Variants in MICU3 observed in about 807,000 individuals in gnomAD.
MICU3 encodes the protein mitochondrial calcium uptake 3, also known as calcium uptake protein 3, mitochondrial.
Under a neutral mutation model 66.5 loss-of-function variants are expected in MICU3, and 62 were observed. That is an observed-to-expected ratio of 0.93 (90% confidence interval 0.76 to 1.15). The LOEUF (loss-of-function observed/expected upper bound fraction) is 1.15, where lower values mean the gene tolerates loss of function less well. MICU3 is among the 50% of genes most tolerant of loss of function. MICU3 has a pLI of 0.00. For missense variants in MICU3, 779 were observed against 664.4 expected (o/e 1.17, Z -1.90); for synonymous variants, 308 against 240.7 (o/e 1.28, Z -2.59).
intron 11 of MICU3, among the ~76,000 whole-genome samples, chr8:17,106,691 T>C (rs147620582): frequency 6.6e-6 from 1 of 152,058 alleles, no homozygotes; most frequent in African/African-American, 2.4e-5. Flanking sequence ...CTTGTAGAAA[T>C]GGAAAAATTT....
At chr8:17,059,112 CTATA>C (rs1337065444) in intron 1 of MICU3, among the ~76,000 whole-genome samples, 9 of 152,144 alleles carry the variant, frequency 5.9e-5, no homozygotes, top group Non-Finnish European at 1.5e-5. Flanking sequence ...ATCTTGGAAA[CTATA>C]TAAGCTTAAA....
chr8:17,055,087 C>CG (rs1563302310), intron 1 of MICU3, among the ~76,000 whole-genome samples: 2 of 152,070 alleles, frequency 1.3e-5, no homozygotes, highest in African/African-American at 4.8e-5. Flanking sequence ...GTCAGAGTTA[C>CG]GGAAGCATTT....
intron 2 of MICU3, among the ~76,000 whole-genome samples, chr8:17,069,125 G>T (rs764320459): frequency 8.5e-4 from 129 of 152,084 alleles, no homozygotes; most frequent in Non-Finnish European, 1.2e-3. Flanking sequence ...GATGCTTCTT[G>T]AATAGTTGTA....
intron 4 of MICU3, among the ~76,000 whole-genome samples, chr8:17,078,782 G>A (rs1441543834): frequency 6.6e-6 from 1 of 151,976 alleles, no homozygotes; most frequent in African/African-American, 2.4e-5. Flanking sequence ...GAAAGGAAGA[G>A]ACACCATATC....
rs1248380625 is a variant in MICU3 at position 17,086,977 on chromosome 8, T to A, written c.791T>A (p.Phe264Tyr). The change falls in exon 7 of 15, where the codon TTC (phenylalanine) becomes TAC (tyrosine). Residue 264 changes from phenylalanine to tyrosine, a missense_variant. By Grantham distance (22) the Phe-to-Tyr change is conservative. Transcript: ENST00000318063. The stretch of plus-strand genomic sequence containing the variant: ...TTTCTTTGTCAGCTTCAAGAGATAT[T>A]CAGGAAAAAAAATGAAAAGAGAGAA... ...KKEFLVLQEI[F>Y]RKKNEKREIK... 1 of 1,602,792 alleles carries A rather than the reference T, an allele frequency of 6.2e-7. No individual in the cohort carries two copies. Among genetic ancestry groups the A allele is most frequent in the South Asian group, 1.1e-5 (1 of 90,694 alleles).
At chr8:17,100,543 G>A (rs1051695727) in intron 9 of MICU3, among the ~76,000 whole-genome samples, 2 of 151,560 alleles carry the variant, frequency 1.3e-5, no homozygotes, top group Admixed American at 6.6e-5. Flanking sequence ...TATAGTATTA[G>A]TATTTCAGGA....
At chr8:17,128,956 G>A in the MICU3 span, among the ~76,000 whole-genome samples, 118 of 152,242 alleles carry the variant, frequency 7.8e-4, 1 homozygote, top group South Asian at 0.019. Flanking sequence ...CATGGGGCAC[G>A]GCAGAAAACA....
intron 1 of MICU3, among the ~76,000 whole-genome samples, chr8:17,061,476 A>T (rs1415982188): frequency 6.6e-6 from 1 of 152,186 alleles, no homozygotes; most frequent in Non-Finnish European, 1.5e-5. Flanking sequence ...TTTGGTGAGA[A>T]AACAGGCATG....
At chr8:17,128,263 C>G in the MICU3 span, among the ~76,000 whole-genome samples, 2 of 149,866 alleles carry the variant, frequency 1.3e-5, no homozygotes, top group African/African-American at 2.5e-5. Flanking sequence ...CACACACACA[C>G]ACACACCAGA....
At chr8:17,051,565 A>G (rs1816082164) in intron 1 of MICU3, among the ~76,000 whole-genome samples, 1 of 152,228 alleles carries the variant, frequency 6.6e-6, no homozygotes, top group Non-Finnish European at 1.5e-5. Flanking sequence ...AGTACCAGCA[A>G]AAATACCAAA....
At chr8:17,129,393 G>C in the MICU3 span, among the ~76,000 whole-genome samples, 1 of 151,968 alleles carries the variant, frequency 6.6e-6, no homozygotes, top group Non-Finnish European at 1.5e-5. Flanking sequence ...CATGTTCAAG[G>C]GTTTAAGTAA....
chr8:17,040,991 C>T (rs2150524952), intron 1 of MICU3, among the ~76,000 whole-genome samples: 1 of 152,262 alleles, frequency 6.6e-6, no homozygotes, highest in South Asian at 2.1e-4. Context: ...GATGATGAAT[C>T]TGTAACTTGT....
chr8:17,088,892 T>A, intron 7 of MICU3, among the ~76,000 whole-genome samples: 1 of 151,904 alleles, frequency 6.6e-6, no homozygotes, highest in South Asian at 2.1e-4. Context: ...AGTGATAGAG[T>A]AAAACATCAT....
chr8:17,098,673 T>C, intron 9 of MICU3, 120 bp downstream of exon 9: 1 of 683,030 alleles, frequency 1.5e-6, no homozygotes, highest in Non-Finnish European at 2.6e-6. Flanking sequence ...ATTGTTTTAG[T>C]ACAGCAAAAA....
intron 1 of MICU3, among the ~76,000 whole-genome samples, chr8:17,036,361 G>A (rs1407389668): frequency 5.3e-5 from 8 of 152,244 alleles, no homozygotes; most frequent in East Asian, 1.9e-4. Flanking sequence ...TGCAAAGAGC[G>A]AAAGAACAAA....
At chr8:17,052,985 G>A (rs1296950031) in intron 1 of MICU3, among the ~76,000 whole-genome samples, 3 of 151,824 alleles carry the variant, frequency 2.0e-5, no homozygotes, top group Admixed American at 2.0e-4. Context: ...GCCAACATAG[G>A]GTAAATCCTA....
rs966239714 is a variant in MICU3, at chr8:17,027,569, G to A, written c.290G>A (p.Gly97Glu). 18 of 1,281,790 alleles carry A rather than the reference G, an allele frequency of 1.4e-5. No homozygotes were observed. The highest frequency in any genetic ancestry group is 6.0e-4 in the Middle Eastern group (2 of 3,356). The allele number at this position is 1,281,790 out of a possible 1,614,324, so 79.4% of individuals were successfully genotyped here. A position where few individuals can be genotyped will look rare whatever the true frequency, so the allele number is the denominator to read the frequency against. The change falls in exon 1 of 15, where the codon GGG (glycine) becomes GAG (glutamate). Residue 97 changes from glycine to glutamate, a missense_variant. Gly to Glu is a moderately conservative substitution (Grantham distance 98). Coordinates refer to ENST00000318063, the MANE Select transcript of MICU3 (RefSeq NM_181723.3). ...CCCAGGGCCGGCTCGCCGGCGACCGGGCGACCCTCAAAGAGCGCGGCCACG... is the reference window on the plus strand; with the variant it reads ...CCCAGGGCCGGCTCGCCGGCGACCGAGCGACCCTCAAAGAGCGCGGCCACG... ...GDPRAGSPAT[G>E]RPSKSAATEP...
intron 2 of MICU3, 83 bp from the exon 3 acceptor site, chr8:17,069,605 T>C: frequency 1.2e-6 from 1 of 841,726 alleles, no homozygotes; most frequent in Non-Finnish European, 1.8e-6. Context: ...GGTTATGAGT[T>C]ATGGTTGTAG....
chr8:17,051,290 C>T (rs1285458160), intron 1 of MICU3, among the ~76,000 whole-genome samples: 7 of 152,036 alleles, frequency 4.6e-5, no homozygotes, highest in Non-Finnish European at 7.4e-5. Flanking sequence ...GCTTTACACC[C>T]ACATTCACTT....
Sources: gnomAD v4.1 joint callset for allele counts (sites outside exome capture counted in the v4.1 genomes callset) on GRCh38, gnomAD v4.1.1 for gene constraint, MANE v1.5 for transcripts, NCBI Gene and HGNC (gene_info 2026-07-23, HGNC 2026-07-21) for gene names.